Variants in BPI observed in about 807,000 individuals in gnomAD.
BPI encodes bactericidal permeability-increasing protein.
BPI carries 48 observed loss-of-function variants against 57.6 expected under a neutral mutation model. The ratio of observed to expected loss-of-function variants is 0.83; its 90% CI spans 0.66 to 1.06. BPI has a LOEUF of 1.06. Ranked by LOEUF, BPI falls within the 50% of genes least tolerant of loss-of-function variation. BPI has a pLI of 0.00. For missense variants in BPI, 651 were observed against 609.7 expected (o/e 1.07, Z -0.71); for synonymous variants, 237 against 238.2 (o/e 0.99, Z 0.05).
At position 38,304,213 on chromosome 20, in the gene BPI, TGA is replaced by T. The variant is rs758998961; in HGVS notation, c.-4_-3del. 3.7e-6 allele frequency: 6 copies of T among 1,613,678 alleles called. No individual in the cohort carries two copies. The highest frequency in any genetic ancestry group is 1.1e-5 in the South Asian group (1 of 91,080). Reference sequence around the variant, plus strand: ...TTGAGGTTTTGGCAGCTCTGGAGGATGAGAGAGAACATGGCCAGGGGCCCTTG... The same window carrying T: ...TTGAGGTTTTGGCAGCTCTGGAGGATGAGAGAACATGGCCAGGGGCCCTTG... On this transcript the variant is annotated 5_prime_UTR_variant, in exon 1 of 15. Transcript: ENST00000642449.
intron 4 of BPI, among the ~76,000 whole-genome samples, chr20:38,310,978 A>T (rs1440187308): frequency 6.6e-6 from 1 of 152,252 alleles, no homozygotes; most frequent in African/African-American, 2.4e-5. Flanking sequence ...CATTCAACAA[A>T]TACCTAGTGA....
chr20:38,329,688 G>A (rs1000553073), intron 11 of BPI, among the ~76,000 whole-genome samples: 6 of 151,858 alleles, frequency 4.0e-5, no homozygotes, highest in Non-Finnish European at 7.4e-5. Context: ...TTGCCTTCAA[G>A]GAGCCCTGTT....
chr20:38,310,465 C>G, intron 3 of BPI, 26 bp from the exon 4 acceptor site: 1 of 1,604,880 alleles, frequency 6.2e-7, no homozygotes, highest in East Asian at 2.2e-5. Flanking sequence ...AGGACTTGTC[C>G]CACATTCCTC....
chr20:38,332,495 G>A (rs1016108727), intron 12 of BPI, among the ~76,000 whole-genome samples: 7 of 152,126 alleles, frequency 4.6e-5, no homozygotes, highest in African/African-American at 1.7e-4. Context: ...TGAATATTTT[G>A]CACACCTTCT....
intron 11 of BPI, among the ~76,000 whole-genome samples, chr20:38,328,353 G>C (rs1051513712): frequency 1.3e-5 from 2 of 151,986 alleles, no homozygotes; most frequent in African/African-American, 4.8e-5. Flanking sequence ...AGGAGTTTGA[G>C]ACCAGTCTGG....
At chr20:38,320,984 G>C (rs1382750969) in intron 7 of BPI, among the ~76,000 whole-genome samples, 1 of 16,624 alleles carries the variant, frequency 6.0e-5, no homozygotes, top group African/African-American at 2.2e-4. Flanking sequence ...ATGGGTGGGT[G>C]GGTAGACAGG....
At chr20:38,309,857 G>A (rs2076613851) in intron 3 of BPI, among the ~76,000 whole-genome samples, 1 of 152,146 alleles carries the variant, frequency 6.6e-6, no homozygotes, top group Admixed American at 6.5e-5. Flanking sequence ...GGAAAATGGA[G>A]GAGAAACCAC....
In BPI at chr20:38,326,264, G is replaced by T; in HGVS notation, c.994-1G>T. On this transcript the variant is annotated splice_acceptor_variant, in intron 9 of 14. Transcript: ENST00000642449. LOFTEE classifies it high-confidence loss of function. Reference sequence around the variant, plus strand: ...TTGATTGTCTCCACTGGGGGCTGCAGGTGGCCAAGAAGTTTCCCAACATGA... The same window carrying T: ...TTGATTGTCTCCACTGGGGGCTGCATGTGGCCAAGAAGTTTCCCAACATGA... 2 of 1,611,198 alleles carry T rather than the reference G, an allele frequency of 1.2e-6. No homozygotes were observed. The highest frequency in any genetic ancestry group is 8.5e-7 in the Non-Finnish European group (1 of 1,178,374).
Position 38,337,160 on chromosome 20 carries a change from C to A in BPI, c.1428C>A (p.Phe476Leu), listed in dbSNP as rs145842777. ...VLQPHQNFLL[F>L]GADVVYK ...TCTCTCCCTAGAACTTCCTGCTGTT[C>A]GGTGCAGACGTTGTCTATAAATGAA... The change falls in exon 15 of 15, where the codon TTC becomes TTA. Residue 476 changes from phenylalanine (F) to leucine (L), a missense_variant. Transcript: ENST00000642449. 1 of 1,595,910 alleles carries A rather than the reference C, an allele frequency of 6.3e-7. No homozygotes were observed. Among genetic ancestry groups the A allele is most frequent in the Non-Finnish European group, 8.5e-7 (1 of 1,172,670 alleles).
At chr20:38,307,291 G>T (rs6014655) in intron 1 of BPI, among the ~76,000 whole-genome samples, 25 of 152,274 alleles carry the variant, frequency 1.6e-4, no homozygotes, top group African/African-American at 5.5e-4. Context: ...AGTGTTATTG[G>T]AATACAGGCA....
intron 8 of BPI, among the ~76,000 whole-genome samples, 184 bp from the exon 9 acceptor site, chr20:38,324,590 C>T (rs1485906033): frequency 6.6e-6 from 1 of 152,136 alleles, no homozygotes; most frequent in East Asian, 1.9e-4. Flanking sequence ...CCAACTGCTG[C>T]AGAAGGTGTG....
chr20:38,316,271 T>A (rs1448818498), intron 5 of BPI, among the ~76,000 whole-genome samples: 2 of 152,160 alleles, frequency 1.3e-5, no homozygotes, highest in Non-Finnish European at 2.9e-5. Context: ...TGATTGGCAG[T>A]GTAGAAGAAG....
At chr20:38,312,077 C>A in intron 5 of BPI, 140 bp downstream of exon 5, 2 of 799,374 alleles carry the variant, frequency 2.5e-6, no homozygotes, top group South Asian at 3.2e-5. Context: ...ACAACCCCAG[C>A]TCTAAAATCC....
chr20:38,315,800 C>T (rs1002979652), intron 5 of BPI, among the ~76,000 whole-genome samples: 2 of 150,210 alleles, frequency 1.3e-5, no homozygotes, highest in Non-Finnish European at 3.0e-5. Flanking sequence ...TCCTTTCCTT[C>T]TTCCCACTCT....
At chr20:38,329,187 G>A (rs2076729635) in intron 11 of BPI, among the ~76,000 whole-genome samples, 1 of 151,998 alleles carries the variant, frequency 6.6e-6, no homozygotes. Flanking sequence ...AGAGAAAGAG[G>A]GAGACACTCA....
intron 12 of BPI, among the ~76,000 whole-genome samples, chr20:38,333,385 C>A (rs2076751490): frequency 6.6e-6 from 1 of 152,254 alleles, no homozygotes; most frequent in Admixed American, 6.5e-5. Context: ...AATGTCACAA[C>A]TACAGGCAAG....
chr20:38,331,089 C>CTCA lies in BPI; in HGVS notation c.1271_1272insTCA (p.Pro424_Val425insGln), dbSNP rs1427429633. On this transcript the variant is annotated inframe_insertion and splice_region_variant, in exon 12 of 15. Transcript: ENST00000642449. ...AAGCACTCAAATATTGGCCCCTTCC[C>CTCA]GGTGAGTCTGAGGCCCTTGGTGGCT... 5.6e-6 allele frequency: 9 copies of CTCA among 1,613,994 alleles called. No homozygotes were observed. Among genetic ancestry groups the CTCA allele is most frequent in the Non-Finnish European group, 8.5e-7 (1 of 1,180,002 alleles).
At position 38,319,952 on chromosome 20, in the gene BPI, G is replaced by A. The variant is rs114191255; in HGVS notation, c.665-231G>A. The stretch of plus-strand genomic sequence containing the variant: ...TGTGCCCTTGACCCTGTGTCTTAGC[G>A]ACTCATCTCAGGGCTGTTGGAAGAA... On this transcript the variant is annotated intron_variant, in intron 6 of 14. Coordinates refer to ENST00000642449, the MANE Select transcript of BPI (RefSeq NM_001725.3). The A allele has an allele frequency of 2.7e-3, 1,466 of 545,122 alleles. 16 individuals carry two copies. The highest frequency in any genetic ancestry group is 0.026 in the African/African-American group (1,374 of 52,940). 33.8% of individuals were successfully genotyped at this position (545,122 alleles called of 1,614,324 possible). A position where few individuals can be genotyped will look rare whatever the true frequency, so the allele number is the denominator to read the frequency against.
At chr20:38,310,796 G>A in intron 4 of BPI, 144 bp downstream of exon 4, 1 of 1,047,346 alleles carries the variant, frequency 9.5e-7, no homozygotes, top group Admixed American at 2.9e-5. Flanking sequence ...GGGGGCCAGG[G>A]GCCCACAGAT....
Sources: gnomAD v4.1 joint callset for allele counts (sites outside exome capture counted in the v4.1 genomes callset) on GRCh38, gnomAD v4.1.1 for gene constraint, MANE v1.5 for transcripts, NCBI Gene and HGNC (gene_info 2026-07-23, HGNC 2026-07-21) for gene names.